The following CDH23 variants were observed in gnomAD, a reference collection of about 807,000 sequenced individuals.
The protein encoded by CDH23 is cadherin-23.
CDH23 carries 189 observed loss-of-function variants against 317.1 expected under a neutral mutation model. The ratio of observed to expected loss-of-function variants is 0.60; its 90% CI spans 0.53 to 0.67. The LOEUF is 0.67. Ranked by LOEUF, CDH23 falls within the 30% of genes least tolerant of loss-of-function variation. The probability of loss-of-function intolerance (pLI) is 0.00; values close to 1 mark genes in which losing one functional copy is unlikely to be tolerated. For missense variants in CDH23, 4,401 were observed against 4,592.4 expected, an observed-to-expected ratio of 0.96 and a Z score of 1.20; for synonymous variants, 1,839 against 1,876.8, an observed-to-expected ratio of 0.98 and a Z score of 0.52.
chr10:71,627,430 C>T (rs149113575), intron 11 of CDH23, among the ~76,000 whole-genome samples: 6 of 152,280 alleles, frequency 3.9e-5, no homozygotes, highest in East Asian at 3.9e-4. Context: ...CATCCTATGG[C>T]GTGCTTCCTC....
At chr10:71,634,133 C>A (rs918607263) in intron 11 of CDH23, among the ~76,000 whole-genome samples, 1 of 152,250 alleles carries the variant, frequency 6.6e-6, no homozygotes, top group Non-Finnish European at 1.5e-5. Context: ...CTGCTCCCTG[C>A]CTGGAGGCCT....
At chr10:71,691,704 TG>T (rs1453801086) in intron 20 of CDH23, among the ~76,000 whole-genome samples, 2 of 152,214 alleles carry the variant, frequency 1.3e-5, no homozygotes, top group Non-Finnish European at 2.9e-5. Flanking sequence ...AGGCCCTGCC[TG>T]GCAGTCACAT....
At chr10:71,674,994 G>T in intron 14 of CDH23, 118 bp from the exon 15 acceptor site, 1 of 872,276 alleles carries the variant, frequency 1.1e-6, no homozygotes. Context: ...ACTGGGGTCT[G>T]GGCCTCAGAA....
rs1858351433 is a variant in CDH23 at position 71,578,136 on chromosome 10, C to T, written c.832+144C>T. 3.6e-5 allele frequency: 28 copies of T among 784,468 alleles called. 1 individual carries two copies. In the South Asian group the frequency reaches 4.3e-4, roughly 12 times the overall value. The allele number at this position is 784,468 out of a possible 1,614,324, so 48.6% of individuals were successfully genotyped here. A position where few individuals can be genotyped will look rare whatever the true frequency, so the allele number is the denominator to read the frequency against. Reference sequence around the variant, plus strand: ...AGGAGACCTGACTACAGGGACAGTCCTCGCCAAAGGGCCAGGAAGGTGACT... The same window carrying T: ...AGGAGACCTGACTACAGGGACAGTCTTCGCCAAAGGGCCAGGAAGGTGACT... On this transcript the variant is annotated intron_variant, in intron 9 of 69. Coordinates refer to ENST00000224721, the MANE Select transcript of CDH23 (RefSeq NM_022124.6).
intron 11 of CDH23, among the ~76,000 whole-genome samples, chr10:71,636,189 A>G (rs1441471246): frequency 1.3e-5 from 2 of 151,750 alleles, no homozygotes; most frequent in African/African-American, 2.4e-5. Flanking sequence ...GGAGAATGGG[A>G]GAGAGAGTTT....
chr10:71,607,872 C>T (rs528808526), intron 9 of CDH23, among the ~76,000 whole-genome samples: 1 of 152,278 alleles, frequency 6.6e-6, no homozygotes, highest in South Asian at 2.1e-4. Context: ...CACCACACTC[C>T]AGCCTGGGTG....
intron 9 of CDH23, among the ~76,000 whole-genome samples, chr10:71,613,107 C>T (rs1861000472): frequency 6.6e-6 from 1 of 152,330 alleles, no homozygotes; most frequent in African/African-American, 2.4e-5. Context: ...TCTCCGCCTC[C>T]CAAAGTGCTG....
intron 36 of CDH23, among the ~76,000 whole-genome samples, chr10:71,740,383 T>C (rs185559803): frequency 9.2e-5 from 14 of 152,294 alleles, no homozygotes; most frequent in African/African-American, 3.1e-4. Context: ...ATAATATTAC[T>C]TGAGGCTCTT....
chr10:71,603,458 C>T (rs1374982329), intron 9 of CDH23, among the ~76,000 whole-genome samples: 1 of 130,180 alleles, frequency 7.7e-6, no homozygotes, highest in Non-Finnish European at 1.5e-5. Flanking sequence ...ACAGGCAGAA[C>T]AGACAGCCAG....
chr10:71,761,794 C>T, intron 38 of CDH23: 1 of 1,614,156 alleles, frequency 6.2e-7, no homozygotes, highest in South Asian at 1.1e-5. Flanking sequence ...TGTTGGCAGC[C>T]TGGTGGCCTC....
chr10:71,680,529 A>T (rs185071924), intron 17 of CDH23, among the ~76,000 whole-genome samples: 1 of 152,020 alleles, frequency 6.6e-6, no homozygotes, highest in Non-Finnish European at 1.5e-5. Flanking sequence ...CGGCGGATCA[A>T]TTGAGGTCAG....
At chr10:71,585,708 C>T (rs1055422610) in intron 9 of CDH23, among the ~76,000 whole-genome samples, 8 of 152,238 alleles carry the variant, frequency 5.3e-5, no homozygotes, top group African/African-American at 1.7e-4. Flanking sequence ...CCTGATCTTT[C>T]GCCCTCTTCT....
At chr10:71,499,921 G>A (rs888196604) in intron 3 of CDH23, among the ~76,000 whole-genome samples, 12 of 151,466 alleles carry the variant, frequency 7.9e-5, no homozygotes, top group African/African-American at 2.9e-4. Context: ...GGAGGCTGAG[G>A]CAGGAGAATC....
Position 71,663,977 on chromosome 10 carries a change from G to A in CDH23, c.1450-11135G>A, listed in dbSNP as rs528377062. ...GATCGTGCCACTGCACACCAGCCTC[G>A]GCGACAGAGTGAGACTCTGTCTCAA... is the stretch of plus-strand genomic sequence containing the variant. On this transcript the variant is annotated intron_variant, in intron 14 of 69. Transcript: ENST00000224721. Among the ~76,000 whole-genome samples the A allele has an allele frequency of 5.3e-5, 8 of 150,608 alleles. No homozygotes were observed. The South Asian group carries it at 6.3e-4, about 12-fold the overall frequency.
At chr10:71,539,190 G>A (rs1027193499) in intron 6 of CDH23, among the ~76,000 whole-genome samples, 13 of 152,152 alleles carry the variant, frequency 8.5e-5, no homozygotes, top group African/African-American at 2.7e-4. Context: ...CATCCACGCC[G>A]TAGCCCCTTT....
chr10:71,701,988 G>A (rs370408737), intron 22 of CDH23, 34 bp from the exon 23 acceptor site: 117 of 1,610,378 alleles, frequency 7.3e-5, no homozygotes, highest in African/African-American at 1.9e-4. Context: ...CCCCAGGCGC[G>A]GCTCAGTGAA....
At chr10:71,666,817 C>G (rs918984306) in intron 14 of CDH23, among the ~76,000 whole-genome samples, 1 of 152,140 alleles carries the variant, frequency 6.6e-6, no homozygotes, top group Non-Finnish European at 1.5e-5. Flanking sequence ...CCACTCCAAC[C>G]CCCCAGAGCT....
Position 71,535,352 on chromosome 10 carries a change from C to T in CDH23, c.429+24140C>T, listed in dbSNP as rs568579925. On this transcript the variant is annotated intron_variant, in intron 6 of 69. Coordinates refer to ENST00000224721, the MANE Select transcript of CDH23 (RefSeq NM_022124.6). ...CTGATTCCCTCACACAGGGCGTGGCCCCTCCTGCCTTTCCCAGCCCGTTCC... is the reference window on the plus strand; with the variant it reads ...CTGATTCCCTCACACAGGGCGTGGCTCCTCCTGCCTTTCCCAGCCCGTTCC... Among the ~76,000 whole-genome samples, 339 of 152,308 alleles carry T rather than the reference C, an allele frequency of 2.2e-3. 1 individual carries two copies. The highest frequency in any genetic ancestry group is 4.0e-3 in the Non-Finnish European group (274 of 68,030).
intron 66 of CDH23, 47 bp from the exon 67 acceptor site, chr10:71,812,433 A>G: frequency 6.2e-7 from 1 of 1,610,640 alleles, no homozygotes; most frequent in Non-Finnish European, 8.5e-7. Context: ...GCACCTGTCT[A>G]CTCGAGCCTT....
Sources: gnomAD v4.1 joint callset for allele counts (sites outside exome capture counted in the v4.1 genomes callset) on GRCh38, gnomAD v4.1.1 for gene constraint, MANE v1.5 for transcripts, NCBI Gene and HGNC (gene_info 2026-07-23, HGNC 2026-07-21) for gene names.